The following HMCN2 variants were observed in gnomAD, a reference collection of about 807,000 sequenced individuals.
HMCN2 encodes hemicentin 2, also known as hemicentin-2.
In HMCN2, 325 loss-of-function variants were observed where a neutral mutation model predicts 377.5. The ratio of observed to expected loss-of-function variants is 0.86; its 90% CI spans 0.79 to 0.94. The LOEUF is 0.94. Ranked by LOEUF, HMCN2 falls within the 40% of genes least tolerant of loss-of-function variation. HMCN2 has a pLI of 0.00. For missense variants in HMCN2, 4,543 were observed against 4,725.3 expected (o/e 0.96, Z 1.13); for synonymous variants, 2,007 against 2,046.8 (o/e 0.98, Z 0.53).
At chr9:130,348,089 CTT>C in intron 26 of HMCN2, 1 of 975,208 alleles carries the variant, frequency 1.0e-6, no homozygotes, top group Non-Finnish European at 1.2e-6. Flanking sequence ...ACTGGCCCCG[CTT>C]GGGCAGTTCT....
chr9:130,291,573 T>C lies in HMCN2; in HGVS notation c.613-3282T>C, dbSNP rs556428263. Among the ~76,000 whole-genome samples, 4 of 152,360 alleles carry C rather than the reference T, an allele frequency of 2.6e-5. No homozygotes were observed. The East Asian group carries it at 5.8e-4, about 22-fold the overall frequency. On this transcript the variant is annotated intron_variant, in intron 4 of 97. Coordinates refer to ENST00000683500, the MANE Select transcript of HMCN2 (RefSeq NM_001291815.2). ...AAATTACTATGAAGAATTTCCAAGA[T>C]GCAGAAAAGTAAAAAGAACACACCT...
At chr9:130,429,509 G>C (rs1284779663) in intron 93 of HMCN2, 48 bp from the exon 94 acceptor site, 10 of 1,548,056 alleles carry the variant, frequency 6.5e-6, no homozygotes, top group Non-Finnish European at 8.7e-6. Context: ...TTGGGGGAGG[G>C]GCCCTGGGCT....
chr9:130,372,606 CT>C (rs1212238192), intron 47 of HMCN2, among the ~76,000 whole-genome samples, 199 bp downstream of exon 47: 27 of 152,286 alleles, frequency 1.8e-4, no homozygotes, highest in African/African-American at 5.5e-4. Context: ...GAAACCCTGT[CT>C]CTATTAAATG....
rs147225696 is a variant in HMCN2 at position 130,369,999 on chromosome 9, G to C, written c.7069+148G>C. On this transcript the variant is annotated intron_variant, in intron 45 of 97. Coordinates refer to ENST00000683500, the MANE Select transcript of HMCN2 (RefSeq NM_001291815.2). This position sits in a 1 kb window ranked among gnomAD's most constrained non-coding sequence, Gnocchi z 4.5. ...CAGGGCTCTAATGAGAGCTGCTGGT[G>C]GGGGGAGCCACCAACACTGCTCTCA... 17 of 353,690 alleles carry C rather than the reference G, an allele frequency of 4.8e-5. No homozygotes were observed. The highest frequency in any genetic ancestry group is 2.9e-4 in the African/African-American group (13 of 45,210). 21.9% of individuals were successfully genotyped at this position (353,690 alleles called of 1,614,324 possible). A position where few individuals can be genotyped will look rare whatever the true frequency, so the allele number is the denominator to read the frequency against.
chr9:130,408,744 G>A lies in HMCN2; in HGVS notation c.12690G>A (p.Glu4230=). ...CTTGCTCGATGTCACCCCATGCAGA[G>A]GCTCCTGTCCTACAAGGGGAGGCTT... ...TQAVSFVHVK[E]APVLQGEAFS... is the part of the protein sequence containing the mutation. Residue 4230 remains glutamate, a splice_region_variant and synonymous_variant, in exon 84 of 98, where the codon GAG becomes GAA. Coordinates refer to ENST00000683500, the MANE Select transcript of HMCN2 (RefSeq NM_001291815.2). 1 of 1,287,536 alleles carries A rather than the reference G, an allele frequency of 7.8e-7. No individual in the cohort carries two copies. The highest frequency in any genetic ancestry group is 1.2e-5 in the South Asian group (1 of 80,856). The allele number at this position is 1,287,536 out of a possible 1,614,324, so 79.8% of individuals were successfully genotyped here.
rs1554937780 is a variant in HMCN2 at position 130,308,718 on chromosome 9, C to T, written c.2200+1152C>T. Among the ~76,000 whole-genome samples, 1 of 152,174 alleles carries T rather than the reference C, an allele frequency of 6.6e-6. No individual in the cohort carries two copies. The highest frequency in any genetic ancestry group is 1.5e-5 in the Non-Finnish European group (1 of 68,028). ...AACCCCGTCAACCCAGCCCTAGAGC[C>T]CCACTTTAAAAGGTGGCCTTGCCAT... On this transcript the variant is annotated intron_variant, in intron 14 of 97. Transcript: ENST00000683500. The surrounding 1 kb of genome is among the most constrained non-coding windows in gnomAD (Gnocchi z 4.1).
Position 130,308,690 on chromosome 9 carries a change from A to G in HMCN2, c.2200+1124A>G, listed in dbSNP as rs1837038025. 6.6e-6 allele frequency among the ~76,000 whole-genome samples: 1 copy of G among 152,150 alleles called. No homozygotes were observed. Among genetic ancestry groups the G allele is most frequent in the Non-Finnish European group, 1.5e-5 (1 of 68,014 alleles). ...TCCTTCCTCACTGCATATTCTGGCCAAGAACCCCGTCAACCCAGCCCTAGA... is the reference window on the plus strand; with the variant it reads ...TCCTTCCTCACTGCATATTCTGGCCGAGAACCCCGTCAACCCAGCCCTAGA... On this transcript the variant is annotated intron_variant, in intron 14 of 97. Transcript: ENST00000683500. The surrounding 1 kb of genome is among the most constrained non-coding windows in gnomAD (Gnocchi z 4.1).
intron 25 of HMCN2, among the ~76,000 whole-genome samples, chr9:130,342,977 T>A (rs1839140869): frequency 1.3e-5 from 2 of 152,174 alleles, no homozygotes; most frequent in Non-Finnish European, 2.9e-5. Context: ...GTTTTGTAAC[T>A]CAGGACAGTT....
Position 130,393,937 on chromosome 9 carries a change from C to T in HMCN2, c.10430C>T (p.Ser3477Leu), listed in dbSNP as rs369077476. The T allele has an allele frequency of 6.2e-5, 80 of 1,288,792 alleles. No homozygotes were observed. The highest frequency in any genetic ancestry group is 1.1e-4 in the East Asian group (2 of 17,998). 79.8% of individuals were successfully genotyped at this position (1,288,792 alleles called of 1,614,324 possible). ...LQLEAVGAGD[S>L]GTYSCVAVSE... Reference sequence around the variant, plus strand: ...CTGGAGGCAGTGGGAGCTGGTGACTCGGGGACCTACTCCTGTGTGGCCGTG... The same window carrying T: ...CTGGAGGCAGTGGGAGCTGGTGACTTGGGGACCTACTCCTGTGTGGCCGTG... The change falls in exon 68 of 98, where the codon TCG (serine) becomes TTG (leucine). Residue 3477 changes from serine to leucine, a missense_variant. Physicochemically the swap from Ser to Leu is moderately radical, Grantham distance 145. Transcript: ENST00000683500. The surrounding 1 kb of genome is among the most constrained non-coding windows in gnomAD (Gnocchi z 5.2).
chr9:130,278,269 C>T (rs369008137), intron 1 of HMCN2, among the ~76,000 whole-genome samples: 6 of 152,080 alleles, frequency 3.9e-5, no homozygotes, highest in Admixed American at 1.3e-4. Context: ...GGACTACAGG[C>T]GCCCACCACC....
At position 130,312,084 on chromosome 9, in the gene HMCN2, C is replaced by T. The variant is rs986308720; in HGVS notation, c.2350+2023C>T. Among the ~76,000 whole-genome samples, 7 of 152,302 alleles carry T rather than the reference C, an allele frequency of 4.6e-5. No individual in the cohort carries two copies. In the East Asian group the frequency reaches 1.4e-3, roughly 29 times the overall value. On this transcript the variant is annotated intron_variant, in intron 15 of 97. Coordinates refer to ENST00000683500, the MANE Select transcript of HMCN2 (RefSeq NM_001291815.2). ...TTGGAGATGGAACGATCATCATCCC[C>T]TTTACAGATAGGGAAAACAAGGCAC...
At chr9:130,430,676 G>C in intron 95 of HMCN2, 72 bp downstream of exon 95, 1 of 1,380,090 alleles carries the variant, frequency 7.2e-7, no homozygotes, top group South Asian at 1.5e-5. Flanking sequence ...TGGGTGTGCA[G>C]GTGTCACCCA....
In HMCN2 at chr9:130,265,963, G is replaced by C. The variant is rs1834069983; in HGVS notation, c.85G>C (p.Val29Leu). The change falls in exon 1 of 98, where the codon GTA (valine) becomes CTA (leucine). Residue 29 changes from valine to leucine, a missense_variant. Val to Leu is a conservative substitution (Grantham distance 32, BLOSUM62 1). Transcript: ENST00000683500. Reference protein sequence around the residue: ...AVAVAGAPGTVMPPTTGDATL... With the variant: ...AVAVAGAPGTLMPPTTGDATL... The stretch of plus-strand genomic sequence containing the variant: ...GGCAGTGGCCGGGGCGCCCGGGACG[G>C]TAATGCCCCCCACCACGGGGGACGC... 2.2e-6 allele frequency: 1 copy of C among 464,742 alleles called. No individual in the cohort carries two copies. Among genetic ancestry groups the C allele is most frequent in the African/African-American group, 2.0e-5 (1 of 49,654 alleles). The allele number at this position is 464,742 out of a possible 1,614,324, so 28.8% of individuals were successfully genotyped here.
At chr9:130,368,172 G>A (rs1369906121) in intron 43 of HMCN2, 104 bp from the exon 44 acceptor site, 1 of 633,326 alleles carries the variant, frequency 1.6e-6, no homozygotes, top group Non-Finnish European at 2.0e-6. Flanking sequence ...TGAAGGATGA[G>A]CAGGAATTGG....
At chr9:130,305,235 T>C (rs1436743818) in intron 11 of HMCN2, among the ~76,000 whole-genome samples, 1 of 152,244 alleles carries the variant, frequency 6.6e-6, no homozygotes, top group Non-Finnish European at 1.5e-5. Flanking sequence ...TTTCTACTGC[T>C]GTACGCCAAG....
rs952712207 is a variant in HMCN2, at chr9:130,382,307, G to A, written c.8545+10G>A. 23 of 982,344 alleles carry A rather than the reference G, an allele frequency of 2.3e-5. No homozygotes were observed. The highest frequency in any genetic ancestry group is 2.8e-5 in the Non-Finnish European group (23 of 826,834). The allele number at this position is 982,344 out of a possible 1,614,324, so 60.9% of individuals were successfully genotyped here. On this transcript the variant is annotated intron_variant, in intron 55 of 97. Coordinates refer to ENST00000683500, the MANE Select transcript of HMCN2 (RefSeq NM_001291815.2). ...GAGCTGCTGGTGCTGAGTGAGTGGC[G>A]GGGCCTGCAGGTGGGGATTCCCGGG...
intron 4 of HMCN2, among the ~76,000 whole-genome samples, chr9:130,286,949 C>G (rs1554928024): frequency 6.6e-6 from 1 of 152,172 alleles, no homozygotes; most frequent in African/African-American, 2.4e-5. Flanking sequence ...TGCTTTCCCT[C>G]CACCCCACAC....
In HMCN2 at chr9:130,383,837, GA is replaced by G. The variant is rs149723302; in HGVS notation, c.8830+238del. On this transcript the variant is annotated intron_variant, in intron 57 of 97. Coordinates refer to ENST00000683500, the MANE Select transcript of HMCN2 (RefSeq NM_001291815.2). ...GCCAGGCATTACCACCACCATTACT[GA>G]GCACTTACTGTGTACCTGACACGAG... Among the ~76,000 whole-genome samples the G allele has an allele frequency of 5.2e-3, 793 of 152,306 alleles. 7 individuals carry two copies. The highest frequency in any genetic ancestry group is 0.018 in the African/African-American group (743 of 41,554).
rs1277370215 is a variant in HMCN2, at chr9:130,403,869, G to A, written c.12142G>A (p.Val4048Met). 2 of 1,289,438 alleles carry A rather than the reference G, an allele frequency of 1.6e-6. No homozygotes were observed. The highest frequency in any genetic ancestry group is 1.1e-4 in the East Asian group (2 of 18,008). The allele number at this position is 1,289,438 out of a possible 1,614,324, so 79.9% of individuals were successfully genotyped here. The change falls in exon 80 of 98, where the codon GTG becomes ATG. Residue 4048 changes from valine to methionine, a missense_variant. Val to Met is a conservative substitution (Grantham distance 21, BLOSUM62 1). Around this residue, in one of 5 missense-constraint regions of HMCN2, gnomAD observed 1,073 missense variants for 1,319.5 expected, o/e 0.81. Coordinates refer to ENST00000683500, the MANE Select transcript of HMCN2 (RefSeq NM_001291815.2). Reference sequence around the variant, plus strand: ...TGCCATGGGGAAGACGCGGCTGGTGGTGCAAGGTGGGAGTGAGGACGGGGC... The same window carrying A: ...TGCCATGGGGAAGACGCGGCTGGTGATGCAAGGTGGGAGTGAGGACGGGGC... Reference protein sequence around the residue: ...GSAMGKTRLVVQVPPVIENGL... With the variant: ...GSAMGKTRLVMQVPPVIENGL...
Sources: gnomAD v4.1 joint callset for allele counts (sites outside exome capture counted in the v4.1 genomes callset) on GRCh38, gnomAD v4.1.1 for gene constraint, gnomAD v4.1.1 regional missense constraint, Gnocchi (gnomAD v3.1) non-coding constraint, MANE v1.5 for transcripts, NCBI Gene and HGNC (gene_info 2026-07-23, HGNC 2026-07-21) for gene names.